SLC35F3: variants seen among roughly 807,000 people sequenced by gnomAD.
SLC35F3 encodes solute carrier family 35 member F3.
A neutral mutation model predicts 49.9 loss-of-function variants in SLC35F3; 25 were observed. That is an observed-to-expected ratio of 0.50 (90% CI 0.37 to 0.70). SLC35F3 has a LOEUF of 0.70. Ranked by LOEUF, SLC35F3 falls within the 30% of genes least tolerant of loss-of-function variation. The probability of loss-of-function intolerance (pLI) is 0.00; values close to 1 mark genes in which losing one functional copy is unlikely to be tolerated. For missense variants in SLC35F3, 525 were observed against 639.8 expected, an observed-to-expected ratio of 0.82 and a Z score of 1.94; for synonymous variants, 275 against 265.4, an observed-to-expected ratio of 1.04 and a Z score of -0.35.
chr1:233,973,713 G>A (rs1457437948), intron 2 of SLC35F3, among the ~76,000 whole-genome samples: 1 of 152,168 alleles, frequency 6.6e-6, no homozygotes. Flanking sequence ...ACTGAGGTGT[G>A]GAAAAAAAGC....
chr1:233,992,692 C>G (rs961051586), intron 2 of SLC35F3, among the ~76,000 whole-genome samples: 3 of 152,188 alleles, frequency 2.0e-5, no homozygotes, highest in Non-Finnish European at 4.4e-5. Context: ...TTTGGTGAGA[C>G]AAACACACTA....
At chr1:234,078,550 T>G (rs1664830598) in intron 2 of SLC35F3, among the ~76,000 whole-genome samples, 1 of 152,230 alleles carries the variant, frequency 6.6e-6, no homozygotes, top group African/African-American at 2.4e-5. Context: ...CATTGGTTTC[T>G]CTCCTTCCAC....
At chr1:233,959,020 C>G (rs1662750638) in intron 2 of SLC35F3, among the ~76,000 whole-genome samples, 1 of 152,166 alleles carries the variant, frequency 6.6e-6, no homozygotes, top group Admixed American at 6.5e-5. Flanking sequence ...TGAAAAAGCC[C>G]TTGGTTCCTG....
intron 2 of SLC35F3, among the ~76,000 whole-genome samples, chr1:233,960,751 G>A (rs1662786165): frequency 6.6e-6 from 1 of 152,184 alleles, no homozygotes; most frequent in Admixed American, 6.5e-5. Context: ...GAACCCCACT[G>A]CCAGCATTCC....
At chr1:234,109,144 T>C (rs61824600) in intron 2 of SLC35F3, among the ~76,000 whole-genome samples, 21,065 of 151,466 alleles carry the variant, frequency 0.14, 3,167 homozygotes, top group East Asian at 0.81. Flanking sequence ...GTGTGCATTG[T>C]TTGCAGTAAG....
intron 2 of SLC35F3, among the ~76,000 whole-genome samples, chr1:234,038,405 A>G (rs6665702): frequency 0.12 from 18,365 of 149,802 alleles, 1,420 homozygotes; most frequent in Non-Finnish European, 0.17. Context: ...GCTATTGTGA[A>G]TAGTGCCACA....
chr1:234,075,244 C>T (rs1483622770), intron 2 of SLC35F3, among the ~76,000 whole-genome samples: 1 of 152,130 alleles, frequency 6.6e-6, no homozygotes, highest in Admixed American at 6.5e-5. Context: ...GGTGAAGAAA[C>T]ATCTCAGCAA....
chr1:234,321,950 G>A (rs947364335), intron 7 of SLC35F3, among the ~76,000 whole-genome samples: 6 of 152,142 alleles, frequency 3.9e-5, no homozygotes, highest in African/African-American at 9.7e-5. Context: ...GGAGGCCAAG[G>A]TGGGAGGATC....
chr1:234,006,417 A>G (rs1011534404), intron 2 of SLC35F3, among the ~76,000 whole-genome samples: 1 of 152,162 alleles, frequency 6.6e-6, no homozygotes, highest in East Asian at 1.9e-4. Context: ...TACCTGATCC[A>G]CAGATCAAAC....
At position 234,186,134 on chromosome 1, in the gene SLC35F3, G is replaced by A. The variant is rs146604715; in HGVS notation, c.284-45283G>A. On this transcript the variant is annotated intron_variant, in intron 2 of 7. Coordinates refer to ENST00000366618, the MANE Select transcript of SLC35F3 (RefSeq NM_173508.4). ...CGAATGTTCTTACCTACAGGTGTTTGGAGTGTGATTCACCCAGCAGGGCGC... is the reference window on the plus strand; with the variant it reads ...CGAATGTTCTTACCTACAGGTGTTTAGAGTGTGATTCACCCAGCAGGGCGC... Among the ~76,000 whole-genome samples, 57 of 152,318 alleles carry A rather than the reference G, an allele frequency of 3.7e-4. No individual in the cohort carries two copies. The East Asian group carries it at 0.011, about 29-fold the overall frequency.
At chr1:234,030,069 G>A (rs1439413163) in intron 2 of SLC35F3, among the ~76,000 whole-genome samples, 1 of 152,128 alleles carries the variant, frequency 6.6e-6, no homozygotes, top group Admixed American at 6.5e-5. Context: ...ATAATTAAAT[G>A]TAGCACTCAG....
intron 3 of SLC35F3, among the ~76,000 whole-genome samples, chr1:234,290,028 G>A (rs759883723): frequency 3.3e-5 from 5 of 152,136 alleles, no homozygotes; most frequent in Non-Finnish European, 5.9e-5. Context: ...AAGCACTCCA[G>A]AAGGAAAAAA....
At chr1:234,061,488 C>A (rs959445135) in intron 2 of SLC35F3, among the ~76,000 whole-genome samples, 6 of 137,224 alleles carry the variant, frequency 4.4e-5, no homozygotes, top group Admixed American at 7.3e-5. Context: ...ATGTGTAGAT[C>A]ACTGTTTTTT....
chr1:233,924,477 G>GA (rs1662123242), intron 2 of SLC35F3, among the ~76,000 whole-genome samples: 1 of 152,176 alleles, frequency 6.6e-6, no homozygotes, highest in Non-Finnish European at 1.5e-5. Flanking sequence ...ATTTCTGTGG[G>GA]ATCGGTGGTG....
intron 2 of SLC35F3, among the ~76,000 whole-genome samples, chr1:234,136,705 C>T (rs1665817781): frequency 6.6e-6 from 1 of 152,202 alleles, no homozygotes; most frequent in South Asian, 2.1e-4. Context: ...ATGAGAGTAT[C>T]AGGTAGAGGC....
At chr1:234,008,411 T>C (rs145526559) in intron 2 of SLC35F3, among the ~76,000 whole-genome samples, 30 of 152,330 alleles carry the variant, frequency 2.0e-4, no homozygotes, top group African/African-American at 6.7e-4. Context: ...CATAATTTCC[T>C]AGCCAGAAGT....
intron 2 of SLC35F3, among the ~76,000 whole-genome samples, chr1:233,938,588 G>A (rs1662369970): frequency 6.6e-6 from 1 of 152,202 alleles, no homozygotes; most frequent in African/African-American, 2.4e-5. Flanking sequence ...AGGTCAGTGA[G>A]AAGACGAAGA....
chr1:234,184,563 C>A (rs1666606395), intron 2 of SLC35F3, among the ~76,000 whole-genome samples: 1 of 152,152 alleles, frequency 6.6e-6, no homozygotes, highest in South Asian at 2.1e-4. Context: ...GTGCCTGATG[C>A]ATGTTGTTTT....
intron 2 of SLC35F3, among the ~76,000 whole-genome samples, chr1:234,051,060 G>C (rs1572032927): frequency 1.3e-5 from 2 of 152,196 alleles, no homozygotes; most frequent in East Asian, 3.9e-4. Context: ...ATAGTTTGAA[G>C]TCAGGTAGCG....
Sources: gnomAD v4.1 joint callset for allele counts (sites outside exome capture counted in the v4.1 genomes callset) on GRCh38, gnomAD v4.1.1 for gene constraint, MANE v1.5 for transcripts, NCBI Gene and HGNC (gene_info 2026-07-23, HGNC 2026-07-21) for gene names.